The following RAPGEF4 variants were observed in gnomAD, a reference collection of about 807,000 sequenced individuals.
RAPGEF4 encodes RAP guanine-nucleotide-exchange factor (GEF) 4.
In RAPGEF4, 66 loss-of-function variants were observed where a neutral mutation model predicts 147.9. That is an observed-to-expected ratio of 0.45 (90% confidence interval 0.37 to 0.55). The LOEUF (loss-of-function observed/expected upper bound fraction) is 0.55. RAPGEF4 is among the 20% of genes least tolerant of loss of function. RAPGEF4 has a pLI of 0.00. For synonymous variants in RAPGEF4, 419 were observed against 442.7 expected (o/e 0.95, Z 0.67); for missense variants, 1,071 against 1,257.3 (o/e 0.85, Z 2.24).
chr2:172,890,994 G>A (rs753515008), intron 4 of RAPGEF4, among the ~76,000 whole-genome samples: 9 of 152,176 alleles, frequency 5.9e-5, no homozygotes, highest in African/African-American at 9.7e-5. Flanking sequence ...AGCCAGGTGC[G>A]ATGGCACATA....
At chr2:172,790,249 T>C (rs75284819) in intron 1 of RAPGEF4, among the ~76,000 whole-genome samples, 1 of 152,218 alleles carries the variant, frequency 6.6e-6, no homozygotes, top group Non-Finnish European at 1.5e-5. Context: ...GTATGTCTTC[T>C]TTGGAGAAAT....
chr2:172,839,545 G>A (rs904905770), intron 4 of RAPGEF4, among the ~76,000 whole-genome samples: 3 of 151,974 alleles, frequency 2.0e-5, no homozygotes, highest in African/African-American at 7.3e-5. Context: ...ATTTGGTATT[G>A]GTGGGTTTTG....
intron 18 of RAPGEF4, among the ~76,000 whole-genome samples, chr2:173,015,797 A>G (rs1559186627): frequency 6.6e-6 from 1 of 152,230 alleles, no homozygotes; most frequent in Non-Finnish European, 1.5e-5. Context: ...AATTCGCTAC[A>G]GTGCTGAAGA....
At chr2:173,033,809 A>T (rs1683543780) in intron 26 of RAPGEF4, 105 bp from the exon 27 acceptor site, 4 of 1,033,794 alleles carry the variant, frequency 3.9e-6, no homozygotes, top group Non-Finnish European at 5.8e-6. Context: ...GAGATGTTTG[A>T]TTAAGAGCCA....
At chr2:172,793,425 C>T (rs1686025104) in intron 1 of RAPGEF4, among the ~76,000 whole-genome samples, 2 of 152,204 alleles carry the variant, frequency 1.3e-5, no homozygotes, top group Non-Finnish European at 1.5e-5. Flanking sequence ...TTATCAGTCT[C>T]ACCTCAGAAT....
chr2:173,033,732 G>T (rs1683532464), intron 26 of RAPGEF4, among the ~76,000 whole-genome samples, 182 bp from the exon 27 acceptor site: 1 of 152,294 alleles, frequency 6.6e-6, no homozygotes. Flanking sequence ...CGTTTAAAAG[G>T]CAAGTTCTCT....
intron 4 of RAPGEF4, among the ~76,000 whole-genome samples, chr2:172,896,115 T>C (rs1415056217): frequency 6.6e-6 from 1 of 152,220 alleles, no homozygotes; most frequent in Non-Finnish European, 1.5e-5. Flanking sequence ...ACTGCCGAAC[T>C]TCACACACAT....
chr2:172,961,095 C>T, intron 7 of RAPGEF4, 27 bp from the exon 8 acceptor site: 1 of 1,469,910 alleles, frequency 6.8e-7, no homozygotes, highest in Non-Finnish European at 9.5e-7. Context: ...CTTTCTCCTC[C>T]CCTCCTTCCA....
At chr2:172,951,216 AATCTGATTCTTCAC>A (rs1209959397) in intron 6 of RAPGEF4, among the ~76,000 whole-genome samples, 4 of 152,212 alleles carry the variant, frequency 2.6e-5, no homozygotes, top group African/African-American at 9.6e-5. Flanking sequence ...CAACTCATTG[AATCTGATTCTTCAC>A]ACCACAGTGC....
chr2:173,050,392 G>C (rs942875263), intron 30 of RAPGEF4, among the ~76,000 whole-genome samples: 16 of 152,284 alleles, frequency 1.1e-4, no homozygotes, highest in African/African-American at 3.4e-4. Context: ...TTCTCACAGG[G>C]GGCAGGGGCA....
intron 1 of RAPGEF4, among the ~76,000 whole-genome samples, chr2:172,792,041 A>G (rs186165605): frequency 9.8e-5 from 15 of 152,296 alleles, no homozygotes. Flanking sequence ...TCTAGTTCTT[A>G]TGATTCCTCC....
intron 1 of RAPGEF4, among the ~76,000 whole-genome samples, chr2:172,783,768 A>C (rs939226229): frequency 6.9e-6 from 1 of 144,026 alleles, no homozygotes; most frequent in Non-Finnish European, 1.5e-5. Context: ...GCTTGTGTGT[A>C]TGTGTGAGTG....
chr2:172,832,266 C>T (rs1690444466), intron 4 of RAPGEF4, among the ~76,000 whole-genome samples: 1 of 151,980 alleles, frequency 6.6e-6, no homozygotes, highest in African/African-American at 2.4e-5. Flanking sequence ...GCATAAAGCT[C>T]ATAAAGTAAA....
At chr2:173,040,788 A>G (rs1417518962) in intron 29 of RAPGEF4, among the ~76,000 whole-genome samples, 1 of 152,208 alleles carries the variant, frequency 6.6e-6, no homozygotes, top group East Asian at 1.9e-4. Context: ...CCTGATGCCA[A>G]AAAAAGCAGA....
chr2:172,792,731 G>A (rs1559043654), intron 1 of RAPGEF4, among the ~76,000 whole-genome samples: 1 of 152,200 alleles, frequency 6.6e-6, no homozygotes, highest in East Asian at 1.9e-4. Flanking sequence ...CATCTCTCAT[G>A]ATGGAATCTG....
intron 4 of RAPGEF4, among the ~76,000 whole-genome samples, chr2:172,848,201 G>A (rs549536470): frequency 4.6e-5 from 7 of 151,980 alleles, no homozygotes; most frequent in African/African-American, 1.7e-4. Context: ...AAACTCACGC[G>A]CAGGGCACTT....
intron 4 of RAPGEF4, among the ~76,000 whole-genome samples, chr2:172,873,532 A>T (rs777182762): frequency 9.9e-5 from 15 of 152,206 alleles, no homozygotes; most frequent in Non-Finnish European, 1.9e-4. Flanking sequence ...ACTCATAATC[A>T]TTTAGCACAA....
In RAPGEF4 at chr2:172,833,388, A is replaced by G. The variant is rs1244289090; in HGVS notation, c.444+18963A>G. On this transcript the variant is annotated intron_variant, in intron 4 of 30. Transcript: ENST00000397081. ...GATGTTATACAAAACTTAAAATTTGATAAATATTTTCTAGTTACACTCTAG... is the reference window on the plus strand; with the variant it reads ...GATGTTATACAAAACTTAAAATTTGGTAAATATTTTCTAGTTACACTCTAG... 2.6e-5 allele frequency among the ~76,000 whole-genome samples: 4 copies of G among 151,996 alleles called. No homozygotes were observed. The South Asian group carries it at 6.2e-4, about 24-fold the overall frequency.
At chr2:172,984,811 G>A (rs955486580) in intron 11 of RAPGEF4, among the ~76,000 whole-genome samples, 24 of 152,160 alleles carry the variant, frequency 1.6e-4, no homozygotes, top group African/African-American at 5.6e-4. Context: ...ATTGTGGGTA[G>A]TCTCGTCTTC....
Sources: gnomAD v4.1 joint callset for allele counts (sites outside exome capture counted in the v4.1 genomes callset) on GRCh38, gnomAD v4.1.1 for gene constraint, MANE v1.5 for transcripts, NCBI Gene and HGNC (gene_info 2026-07-23, HGNC 2026-07-21) for gene names.